Variants in CDC42BPB observed in about 807,000 individuals in gnomAD.
The protein encoded by CDC42BPB is serine/threonine-protein kinase MRCK beta.
CDC42BPB carries 37 observed loss-of-function variants against 214.9 expected under a neutral mutation model. The observed-to-expected ratio is 0.17, with a 90% CI of 0.13 to 0.23. The LOEUF (loss-of-function observed/expected upper bound fraction) is 0.23, where lower values mean the gene tolerates loss of function less well. Ranked by LOEUF, CDC42BPB falls within the 10% of genes least tolerant of loss-of-function variation. The probability of loss-of-function intolerance (pLI) is 1.00; values close to 1 mark genes in which losing one functional copy is unlikely to be tolerated. For synonymous variants in CDC42BPB, 931 were observed against 884.0 expected (o/e 1.05, Z -0.94); for missense variants, 1,694 against 2,227.0 (o/e 0.76, Z 4.82).
intron 21 of CDC42BPB, among the ~76,000 whole-genome samples, chr14:102,955,036 T>C (rs1039016791): frequency 1.3e-5 from 2 of 152,204 alleles, no homozygotes; most frequent in African/African-American, 4.8e-5. Context: ...TGCAGCCTCC[T>C]TGCCCCGGTC....
chr14:103,030,088 C>G (rs533235891), intron 1 of CDC42BPB, among the ~76,000 whole-genome samples: 16 of 152,254 alleles, frequency 1.1e-4, no homozygotes, highest in Non-Finnish European at 2.2e-4. Flanking sequence ...CCAAGCAAAC[C>G]GCCCTCAGAG....
intron 14 of CDC42BPB, 81 bp from the exon 15 acceptor site, chr14:102,968,797 A>C: frequency 6.4e-7 from 1 of 1,564,724 alleles, no homozygotes; most frequent in Non-Finnish European, 8.6e-7. Flanking sequence ...TTTCATCCCA[A>C]GCAAGTGCAG....
At chr14:102,954,308 C>G in intron 22 of CDC42BPB, 33 bp from the exon 23 acceptor site, 2 of 1,485,360 alleles carry the variant, frequency 1.3e-6, no homozygotes, top group Non-Finnish European at 1.8e-6. Context: ...GAGTGTCGGC[C>G]CAGCTCAGCA....
chr14:102,940,165 G>A (rs1891826737), intron 31 of CDC42BPB, 35 bp from the exon 32 acceptor site: 1 of 1,613,874 alleles, frequency 6.2e-7, no homozygotes, highest in Admixed American at 1.7e-5. Flanking sequence ...AGTAAGCGCG[G>A]CCACGCACAG....
In CDC42BPB at chr14:102,970,193, C is replaced by T; in HGVS notation, c.1953G>A (p.Glu651=). ...CGCTTTCCATTTGCTTGCAGAAGTT[C>T]TCGCTGTGCTCACGAAGCTTGCGCT... ...SKERKLREHS[E]NFCKQMESEL... The change falls in exon 14 of 37, where the codon GAG becomes GAA. Residue 651 remains glutamate (E), a synonymous_variant. Transcript: ENST00000361246. 1 of 1,613,992 alleles carries T rather than the reference C, an allele frequency of 6.2e-7. No individual in the cohort carries two copies. Among genetic ancestry groups the T allele is most frequent in the Non-Finnish European group, 8.5e-7 (1 of 1,179,994 alleles).
chr14:103,037,161 T>C (rs1038529984), intron 1 of CDC42BPB, among the ~76,000 whole-genome samples: 2 of 152,194 alleles, frequency 1.3e-5, no homozygotes, highest in African/African-American at 4.8e-5. Flanking sequence ...TCAATTTTAA[T>C]GGAAAAAGAC....
intron 3 of CDC42BPB, among the ~76,000 whole-genome samples, chr14:103,006,721 T>C (rs1029496735): frequency 6.6e-6 from 1 of 152,236 alleles, no homozygotes; most frequent in Non-Finnish European, 1.5e-5. Flanking sequence ...ACTAGCACCA[T>C]ATTTATTTTT....
At chr14:103,048,532 C>CAAAAAAAAAAAAAAAAAAAAA (rs71119751) in intron 1 of CDC42BPB, among the ~76,000 whole-genome samples, 1 of 42,656 alleles carries the variant, frequency 2.3e-5, no homozygotes, top group Admixed American at 4.0e-4. Flanking sequence ...ACTAAAAATA[C>CAAAAAAAAAAAAAAAAAAAAA]AAAAAAAAAA....
intron 26 of CDC42BPB, among the ~76,000 whole-genome samples, chr14:102,948,879 C>T (rs1002244956): frequency 1.3e-5 from 2 of 152,058 alleles, no homozygotes; most frequent in African/African-American, 4.8e-5. Context: ...CACACCTGTG[C>T]ACAGCCAGGG....
At chr14:103,046,038 C>T (rs1038911138) in intron 1 of CDC42BPB, among the ~76,000 whole-genome samples, 4 of 152,070 alleles carry the variant, frequency 2.6e-5, no homozygotes, top group African/African-American at 7.2e-5. Flanking sequence ...AACTTAACTG[C>T]GCAGCAGGGG....
At chr14:102,997,537 T>G (rs1045587721) in intron 5 of CDC42BPB, among the ~76,000 whole-genome samples, 1 of 151,342 alleles carries the variant, frequency 6.6e-6, no homozygotes, top group Non-Finnish European at 1.5e-5. Context: ...ACAGGACAAA[T>G]GAGGAACCAA....
At chr14:102,971,586 C>T (rs1012000239) in intron 13 of CDC42BPB, among the ~76,000 whole-genome samples, 2 of 152,260 alleles carry the variant, frequency 1.3e-5, no homozygotes, top group Non-Finnish European at 2.9e-5. Flanking sequence ...GCCCCGTGCC[C>T]GGCCCGTGAT....
chr14:102,966,255 G>C, intron 18 of CDC42BPB, 27 bp downstream of exon 18: 5 of 1,488,566 alleles, frequency 3.4e-6, no homozygotes, highest in Non-Finnish European at 4.7e-6. Context: ...TTCAGTAATA[G>C]AAATGCAGGC....
intron 29 of CDC42BPB, 113 bp downstream of exon 29, chr14:102,945,549 C>A: frequency 2.2e-6 from 2 of 915,416 alleles, no homozygotes; most frequent in South Asian, 2.9e-5. Context: ...GCCCCTCCGG[C>A]GCCTTCATCA....
intron 13 of CDC42BPB, 55 bp from the exon 14 acceptor site, chr14:102,970,316 T>C: frequency 6.4e-7 from 1 of 1,557,652 alleles, no homozygotes; most frequent in Middle Eastern, 1.7e-4. Context: ...GCTTCACCAG[T>C]TACAGCAGCA....
chr14:102,944,259 G>A lies in CDC42BPB; in HGVS notation c.4040C>T (p.Ala1347Val). 1 of 1,613,256 alleles carries A rather than the reference G, an allele frequency of 6.2e-7. No individual in the cohort carries two copies. Among genetic ancestry groups the A allele is most frequent in the Non-Finnish European group, 8.5e-7 (1 of 1,180,036 alleles). ...ATAGCAAAGGATCAGCCGTTTCACG[G>A]CCACAAACAGGCAGGTGCCAGAGTT... ...KRNSGTCLFV[A>V]VKRLILCYEI... Residue 1347 changes from alanine (A) to valine (V), a missense_variant, in exon 30 of 37, where the codon GCC becomes GTC. Coordinates refer to ENST00000361246, the MANE Select transcript of CDC42BPB (RefSeq NM_006035.4). This position sits in a 1 kb window ranked among gnomAD's most constrained non-coding sequence, Gnocchi z 6.6.
rs2139599630 is a variant in CDC42BPB, at chr14:103,001,522, G to T, written c.448-1809C>A. Among the ~76,000 whole-genome samples, 1 of 152,314 alleles carries T rather than the reference G, an allele frequency of 6.6e-6. No homozygotes were observed. Among genetic ancestry groups the T allele is most frequent in the Non-Finnish European group, 1.5e-5 (1 of 68,008 alleles). On this transcript the variant is annotated intron_variant, in intron 4 of 36. Coordinates refer to ENST00000361246, the MANE Select transcript of CDC42BPB (RefSeq NM_006035.4). This position sits in a 1 kb window ranked among gnomAD's most constrained non-coding sequence, Gnocchi z 5.8. ...GGAGGAAAGTGGCAGCGGCACCCTG[G>T]AGCCTGCCAAAAGGGGAGGGCCGGC...
chr14:102,959,183 G>C (rs964045106), intron 21 of CDC42BPB, among the ~76,000 whole-genome samples: 9 of 151,668 alleles, frequency 5.9e-5, no homozygotes, highest in African/African-American at 2.2e-4. Context: ...TGTAGTCCCA[G>C]CTACTTGGGA....
At chr14:102,966,553 C>T (rs1332345033) in intron 17 of CDC42BPB, 166 bp from the exon 18 acceptor site, 3 of 982,208 alleles carry the variant, frequency 3.1e-6, no homozygotes, top group Non-Finnish European at 3.6e-6. Context: ...TTGATGGATG[C>T]GTCGTTACAT....
Sources: allele counts gnomAD v4.1 joint callset (sites outside exome capture counted in the v4.1 genomes callset), GRCh38; gene constraint gnomAD v4.1.1; non-coding constraint Gnocchi (gnomAD v3.1); transcripts MANE v1.5; gene names NCBI Gene and HGNC (gene_info 2026-07-23, HGNC 2026-07-21).